Variants in AXL observed in about 807,000 individuals in gnomAD.
AXL encodes AXL receptor tyrosine kinase.
A neutral mutation model predicts 104.5 loss-of-function variants in AXL; 52 were observed. That is an observed-to-expected ratio of 0.50 (90% confidence interval 0.40 to 0.63). The LOEUF (loss-of-function observed/expected upper bound fraction) is 0.63, where lower values mean the gene tolerates loss of function less well. Among genes scored for constraint, AXL ranks in the 20% least tolerant of loss-of-function variants. The probability of loss-of-function intolerance (pLI) is 0.00; values close to 1 mark genes in which losing one functional copy is unlikely to be tolerated. For synonymous variants in AXL, 455 were observed against 473.7 expected (o/e 0.96, Z 0.51); for missense variants, 1,024 against 1,188.5 (o/e 0.86, Z 2.04).
chr19:41,245,295 G>A (rs1329002675), intron 12 of AXL, among the ~76,000 whole-genome samples: 1 of 152,160 alleles, frequency 6.6e-6, no homozygotes, highest in East Asian at 1.9e-4. Context: ...ATCTTGGCCT[G>A]AAAAATTATA....
At chr19:41,253,737 C>T (rs565796552) in intron 17 of AXL, 29 bp downstream of exon 17, 130 of 1,252,044 alleles carry the variant, frequency 1.0e-4, no homozygotes, top group Admixed American at 2.8e-4. Flanking sequence ...CCCCCCCCCC[C>T]CAACTGCTCC....
At chr19:41,221,044 C>T (rs2033781801) in intron 2 of AXL, 102 bp from the exon 3 acceptor site, 2 of 1,247,616 alleles carry the variant, frequency 1.6e-6, no homozygotes, top group African/African-American at 3.0e-5. Flanking sequence ...TCGTGGTTGT[C>T]ATGAGCTTCC....
chr19:41,252,993 T>A, intron 16 of AXL, 26 bp downstream of exon 16: 1 of 1,612,264 alleles, frequency 6.2e-7, no homozygotes, highest in Non-Finnish European at 8.5e-7. Flanking sequence ...TCATTCAGTC[T>A]ACAAATATTA....
At chr19:41,241,580 GAAAGA>G (rs1187069198) in intron 10 of AXL, among the ~76,000 whole-genome samples, 1 of 147,094 alleles carries the variant, frequency 6.8e-6, no homozygotes, top group African/African-American at 2.5e-5. Context: ...AAGAAAAAAA[GAAAGA>G]AAAGAAAAAG....
At chr19:41,234,784 C>T (rs749112754) in intron 6 of AXL, among the ~76,000 whole-genome samples, 4 of 152,168 alleles carry the variant, frequency 2.6e-5, no homozygotes, top group Non-Finnish European at 4.4e-5. Flanking sequence ...GAGCCCACAC[C>T]CTGTGGCAGT....
intron 6 of AXL, among the ~76,000 whole-genome samples, chr19:41,236,523 G>A (rs1047271048): frequency 6.6e-6 from 1 of 151,842 alleles, no homozygotes; most frequent in Non-Finnish European, 1.5e-5. Context: ...GCTCACACCT[G>A]TAATCCCAGC....
chr19:41,221,379 C>A, intron 3 of AXL, 133 bp downstream of exon 3: 1 of 728,680 alleles, frequency 1.4e-6, no homozygotes, highest in Non-Finnish European at 2.2e-6. Flanking sequence ...CGTCATACAG[C>A]CTAAGAATGT....
intron 17 of AXL, among the ~76,000 whole-genome samples, chr19:41,254,597 G>C (rs778343367): frequency 1.3e-5 from 2 of 151,840 alleles, no homozygotes; most frequent in Admixed American, 6.6e-5. Flanking sequence ...GAGGGTAGAA[G>C]GTGGAGGGAA....
chr19:41,253,545 G>A, intron 16 of AXL, 54 bp from the exon 17 acceptor site: 14 of 1,269,760 alleles, frequency 1.1e-5, no homozygotes, highest in Non-Finnish European at 1.3e-5. Flanking sequence ...GAGGGAGGAG[G>A]GATCGCATCA....
At chr19:41,252,471 T>C in intron 15 of AXL, 28 bp downstream of exon 15, 1 of 1,609,164 alleles carries the variant, frequency 6.2e-7, no homozygotes, top group Non-Finnish European at 8.5e-7. Flanking sequence ...TCAAGGGGTC[T>C]ACAAGCCCCA....
chr19:41,243,995 CAGG>C, intron 12 of AXL: 1 of 307,898 alleles, frequency 3.2e-6, no homozygotes, highest in Non-Finnish European at 6.1e-6. Context: ...CACTTGAGCC[CAGG>C]AGTTCGAGAA....
chr19:41,245,584 G>A (rs1210964888), intron 12 of AXL, among the ~76,000 whole-genome samples: 3 of 152,004 alleles, frequency 2.0e-5, no homozygotes, highest in East Asian at 1.9e-4. Context: ...TTAGCCAGAT[G>A]TAATCTGTAA....
chr19:41,243,105 T>C, intron 11 of AXL, 90 bp downstream of exon 11: 2 of 1,569,808 alleles, frequency 1.3e-6, no homozygotes, highest in Non-Finnish European at 1.7e-6. Flanking sequence ...GCAGGAGGAG[T>C]GATGACTAAG....
chr19:41,234,075 G>A (rs1485612073), intron 6 of AXL, among the ~76,000 whole-genome samples: 1 of 151,982 alleles, frequency 6.6e-6, no homozygotes, highest in Non-Finnish European at 1.5e-5. Flanking sequence ...GAGCAGGCAT[G>A]GTGACAGCCT....
chr19:41,252,773 G>A (rs2122276466), intron 15 of AXL, 73 bp from the exon 16 acceptor site: 1 of 1,601,530 alleles, frequency 6.2e-7, no homozygotes, highest in Non-Finnish European at 8.5e-7. Flanking sequence ...AGGAGAGGCT[G>A]GAGGCTGGCT....
Position 41,231,016 on chromosome 19 carries a change from G to A in AXL, c.636G>A (p.Gly212=), listed in dbSNP as rs144284099. Residue 212 remains glycine, a synonymous_variant, in exon 5 of 20, where the codon GGG becomes GGA. Transcript: ENST00000301178. ...CCTGCGAAGCCCATAACGCCAAGGG[G>A]GTCACCACATCCCGCACAGCCACCA... ...SFSCEAHNAK[G]VTTSRTATIT... The A allele has an allele frequency of 2.5e-5, 41 of 1,613,940 alleles. No homozygotes were observed. In the African/African-American group the frequency reaches 4.1e-4, roughly 16 times the overall value.
At chr19:41,240,289 G>C (rs2034159678) in intron 10 of AXL, among the ~76,000 whole-genome samples, 2 of 151,486 alleles carry the variant, frequency 1.3e-5, no homozygotes, top group Admixed American at 1.3e-4. Flanking sequence ...TGGATGGGTG[G>C]GTGGGTCAAT....
Position 41,238,030 on chromosome 19 carries a change from C to G in AXL, c.870C>G (p.Pro290=). ...EEPLTSQASV[P]PHQLRLGSLH... ...CCCTCACCTCGCAAGCATCCGTGCC[C>G]CCCCATCAGCTTCGGCTAGGCAGCC... The change falls in exon 7 of 20, where the codon CCC becomes CCG. Residue 290 remains proline (P), a synonymous_variant. Coordinates refer to ENST00000301178, the MANE Select transcript of AXL (RefSeq NM_021913.5). The G allele has an allele frequency of 6.2e-7, 1 of 1,613,974 alleles. No homozygotes were observed. Among genetic ancestry groups the G allele is most frequent in the South Asian group, 1.1e-5 (1 of 91,064 alleles).
At chr19:41,256,877 C>T (rs949274563) in intron 18 of AXL, among the ~76,000 whole-genome samples, 16 of 152,138 alleles carry the variant, frequency 1.1e-4, no homozygotes, top group African/African-American at 3.4e-4. Flanking sequence ...AGTGATTATG[C>T]GTGCATGTGC....
Sources: gnomAD v4.1 joint callset for allele counts (sites outside exome capture counted in the v4.1 genomes callset) on GRCh38, gnomAD v4.1.1 for gene constraint, MANE v1.5 for transcripts, NCBI Gene and HGNC (gene_info 2026-07-23, HGNC 2026-07-21) for gene names.